The following ADCY7 variants were observed in gnomAD, a reference collection of about 807,000 sequenced individuals.
The protein encoded by ADCY7 is adenylate cyclase 7, also known as adenylate cyclase type 7.
Under a neutral mutation model 120.6 loss-of-function variants are expected in ADCY7, and 72 were observed. The ratio of observed to expected loss-of-function variants is 0.60; its 90% confidence interval spans 0.49 to 0.73. ADCY7 has a LOEUF of 0.73. ADCY7 is among the 30% of genes least tolerant of loss of function. ADCY7 has a pLI of 0.00. For missense variants in ADCY7, 1,227 were observed against 1,486.0 expected, an observed-to-expected ratio of 0.83 and a Z score of 2.87; for synonymous variants, 661 against 628.0, an observed-to-expected ratio of 1.05 and a Z score of -0.78.
At chr16:50,310,394 G>A in intron 18 of ADCY7, 1 of 1,452,956 alleles carries the variant, frequency 6.9e-7, no homozygotes, top group East Asian at 2.5e-5. Flanking sequence ...ACTCAGGGAG[G>A]CAGCTTGGAT....
chr16:50,301,689 C>A (rs1430177966), intron 10 of ADCY7: 1 of 166,020 alleles, frequency 6.0e-6, no homozygotes, highest in African/African-American at 2.4e-5. Context: ...GCTCCAGGAC[C>A]CCACGGTGGA....
chr16:50,291,086 G>A (rs1344772004), intron 3 of ADCY7, among the ~76,000 whole-genome samples: 1 of 151,994 alleles, frequency 6.6e-6, no homozygotes, highest in Non-Finnish European at 1.5e-5. Context: ...AGTTGAGAGA[G>A]AGGGCCCTTT....
At chr16:50,302,638 C>T (rs539199514) in intron 10 of ADCY7, among the ~76,000 whole-genome samples, 8 of 121,394 alleles carry the variant, frequency 6.6e-5, no homozygotes, top group Admixed American at 5.8e-4. Flanking sequence ...GTGTGAAGGG[C>T]GTGTTGTAGA....
chr16:50,255,402 G>GAAAAAAAAAAAAAAAAAAAAA (rs60335173), intron 1 of ADCY7, among the ~76,000 whole-genome samples: 6 of 108,136 alleles, frequency 5.5e-5, no homozygotes, highest in Admixed American at 1.1e-4. Flanking sequence ...TCTGTTTCTG[G>GAAAAAAAAAAAAAAAAAAAAA]AAAAAAAAAA....
At chr16:50,299,112 A>C in intron 8 of ADCY7, 81 bp downstream of exon 8, 4 of 1,462,522 alleles carry the variant, frequency 2.7e-6, no homozygotes, top group Non-Finnish European at 1.8e-6. Context: ...TGTCATTCTC[A>C]TGTCACAGAT....
intron 22 of ADCY7, chr16:50,313,738 G>T: frequency 1.8e-6 from 1 of 561,272 alleles, no homozygotes; most frequent in Non-Finnish European, 3.2e-6. Context: ...AGGGAAGAGG[G>T]AGACAGTGTG....
At chr16:50,266,329 A>G (rs2033209350), upstream of ADCY7, among the ~76,000 whole-genome samples, 1 of 152,098 alleles carries the variant, frequency 6.6e-6, no homozygotes. Flanking sequence ...TTATTTTTTC[A>G]AAATTGTTCC....
chr16:50,270,393 G>A (rs933404761), intron 1 of ADCY7, among the ~76,000 whole-genome samples: 9 of 152,206 alleles, frequency 5.9e-5, no homozygotes, highest in African/African-American at 1.2e-4. Flanking sequence ...CCGGCGGCAC[G>A]GGTTCCAGCT....
At position 50,312,122 on chromosome 16, in the gene ADCY7, C is replaced by T. The variant is rs2036520752; in HGVS notation, c.2535C>T (p.Asn845=). 4.3e-6 allele frequency: 7 copies of T among 1,614,224 alleles called. No individual in the cohort carries two copies. Among genetic ancestry groups the T allele is most frequent in the Non-Finnish European group, 5.9e-6 (7 of 1,180,032 alleles). ...AGTTTGAGACCATGGAGAACGTGAA[C>T]CGCCTTCTTCTGGAGAACGTCCTGC... ...HEEFETMENV[N]RLLLENVLPA... The change falls in exon 21 of 26, where the codon AAC becomes AAT. Residue 845 remains asparagine (N), a synonymous_variant. Transcript: ENST00000673801.
At chr16:50,304,334 A>G in intron 10 of ADCY7, 26 bp from the exon 11 acceptor site, 1 of 1,437,212 alleles carries the variant, frequency 7.0e-7, no homozygotes, top group South Asian at 1.5e-5. Flanking sequence ...GAGGTGGCAC[A>G]GGCCCATGTC....
intron 1 of ADCY7, among the ~76,000 whole-genome samples, chr16:50,283,002 G>C (rs1316441697): frequency 6.6e-6 from 1 of 152,156 alleles, no homozygotes; most frequent in African/African-American, 2.4e-5. Flanking sequence ...ATGGAGGGAT[G>C]AGCGGGGCTG....
In ADCY7 at chr16:50,315,400, C is replaced by T. The variant is rs185850643; in HGVS notation, c.3138C>T (p.Tyr1046=). 2.3e-5 allele frequency: 37 copies of T among 1,613,882 alleles called. No homozygotes were observed. In the African/African-American group the frequency reaches 4.5e-4, roughly 20 times the overall value. Residue 1046 remains tyrosine, a synonymous_variant, in exon 26 of 26, where the codon TAC becomes TAT. Transcript: ENST00000673801. ...GCACCATCCTCCAGGGCCTCGGGTA[C>T]TCTTGTGAATGCCGTGGCCTGATCA... is the stretch of plus-strand genomic sequence containing the variant. ...ETCTILQGLG[Y]SCECRGLINV... is the part of the protein sequence containing the mutation.
intron 7 of ADCY7, among the ~76,000 whole-genome samples, chr16:50,295,345 ATTTTTTTTTTTTTTTTTT>A (rs67137852): frequency 3.6e-5 from 3 of 82,746 alleles, no homozygotes; most frequent in African/African-American, 1.4e-4. Context: ...CGCCTGGCTA[ATTTTTTTTTTTTTTTTTT>A]TTTTTTTTTT....
At position 50,305,556 on chromosome 16, in the gene ADCY7, T is replaced by C; in HGVS notation, c.1649T>C (p.Leu550Pro). 1 of 1,606,672 alleles carries C rather than the reference T, an allele frequency of 6.2e-7. No homozygotes were observed. The highest frequency in any genetic ancestry group is 8.5e-7 in the Non-Finnish European group (1 of 1,175,954). The change falls in exon 13 of 26, where the codon CTG becomes CCG. Residue 550 changes from leucine to proline, a missense_variant. Coordinates refer to ENST00000673801, the MANE Select transcript of ADCY7 (RefSeq NM_001114.5). ...SEDDSYDDEM[L>P]SAIEGLSSTR... ...GATGACTCGTACGATGACGAGATGC[T>C]GTCAGCCATTGAGGGGCTCAGCTCC...
chr16:50,302,266 G>GC (rs1387044562), intron 10 of ADCY7, among the ~76,000 whole-genome samples: 1 of 152,228 alleles, frequency 6.6e-6, no homozygotes, highest in Non-Finnish European at 1.5e-5. Context: ...TCTGTTGTCA[G>GC]CATGAGTGCC....
intron 10 of ADCY7, among the ~76,000 whole-genome samples, chr16:50,303,339 G>T (rs1401054985): frequency 6.6e-6 from 1 of 152,222 alleles, no homozygotes; most frequent in Non-Finnish European, 1.5e-5. Context: ...ATCCCAAAAG[G>T]AGGTGAGAGG....
chr16:50,272,759 G>C (rs187766615), intron 1 of ADCY7, among the ~76,000 whole-genome samples: 5 of 152,206 alleles, frequency 3.3e-5, no homozygotes, highest in Non-Finnish European at 7.4e-5. Flanking sequence ...GTGTAGGCTG[G>C]GATGAGACCT....
rs559437217 is a variant in ADCY7 at position 50,298,801 on chromosome 16, C to G, written c.949-103C>G. 201 of 1,492,434 alleles carry G rather than the reference C, an allele frequency of 1.3e-4. 1 individual carries two copies. The East Asian group carries it at 3.7e-3, about 27-fold the overall frequency. 92.4% of individuals were successfully genotyped at this position (1,492,434 alleles called of 1,614,324 possible). On this transcript the variant is annotated intron_variant, in intron 7 of 25. Coordinates refer to ENST00000673801, the MANE Select transcript of ADCY7 (RefSeq NM_001114.5). ...GGACCCCAGGAGGCAAGCCCCCAGCCAGGAGAGAGCCGGGTGCACCCTGGA... is the reference window on the plus strand; with the variant it reads ...GGACCCCAGGAGGCAAGCCCCCAGCGAGGAGAGAGCCGGGTGCACCCTGGA...
chr16:50,299,433 CA>C (rs1410225022), intron 8 of ADCY7, among the ~76,000 whole-genome samples: 1 of 152,230 alleles, frequency 6.6e-6, no homozygotes, highest in Non-Finnish European at 1.5e-5. Flanking sequence ...ATCCTGGAGT[CA>C]GGCTTGGTCC....
Sources: allele counts gnomAD v4.1 joint callset (sites outside exome capture counted in the v4.1 genomes callset), GRCh38; gene constraint gnomAD v4.1.1; transcripts MANE v1.5; gene names NCBI Gene and HGNC (gene_info 2026-07-23, HGNC 2026-07-21).